FAM110B: variants seen among roughly 807,000 people sequenced by gnomAD.
FAM110B encodes the protein family with sequence similarity 110 member B.
In FAM110B, 6 loss-of-function variants were observed where a neutral mutation model predicts 20.4. That is an observed-to-expected ratio of 0.29 (90% CI 0.16 to 0.58). FAM110B has a LOEUF of 0.58. Among genes scored for constraint, FAM110B ranks in the 20% least tolerant of loss-of-function variants. The pLI, the probability that FAM110B is intolerant of heterozygous loss-of-function variation, is 0.90. For missense variants in FAM110B, 434 were observed against 498.2 expected (o/e 0.87, Z 1.23); for synonymous variants, 226 against 214.1 (o/e 1.06, Z -0.49).
At chr8:58,116,500 A>G (rs1807217036) in intron 3 of FAM110B, among the ~76,000 whole-genome samples, 1 of 152,214 alleles carries the variant, frequency 6.6e-6, no homozygotes, top group Non-Finnish European at 1.5e-5. Context: ...AACTTTGCTC[A>G]GATATCCCCT....
chr8:58,072,495 T>C (rs566149889), intron 2 of FAM110B, among the ~76,000 whole-genome samples: 1 of 152,282 alleles, frequency 6.6e-6, no homozygotes, highest in East Asian at 1.9e-4. Context: ...TATTTATGTT[T>C]TTGCAAAGTA....
intron 3 of FAM110B, among the ~76,000 whole-genome samples, chr8:58,083,429 C>T (rs1391316985): frequency 6.6e-6 from 1 of 152,158 alleles, no homozygotes; most frequent in African/African-American, 2.4e-5. Context: ...AATTTGGTCT[C>T]CTCAACTGCG....
In FAM110B at chr8:57,994,603, G is replaced by T. The variant is rs568628343; in HGVS notation, c.-715G>T. On this transcript the variant is annotated 5_prime_UTR_variant, in exon 1 of 4. Coordinates refer to ENST00000519262, the MANE Select transcript of FAM110B (RefSeq NM_001377989.1). ...GGCCGCCGCCAGCCGGGCCCTTCGC[G>T]GCCGCGCGTCCTGGGCCCGTTCCGC... 2 of 152,288 alleles carry T rather than the reference G, an allele frequency of 1.3e-5. No individual in the cohort carries two copies. The highest frequency in any genetic ancestry group is 4.8e-5 in the African/African-American group (2 of 41,420). The allele number at this position is 152,288 out of a possible 1,614,324, so 9.4% of individuals were successfully genotyped here.
intron 2 of FAM110B, among the ~76,000 whole-genome samples, chr8:58,037,688 T>G (rs1436918042): frequency 6.6e-6 from 1 of 152,144 alleles, no homozygotes; most frequent in East Asian, 1.9e-4. Flanking sequence ...GTCATGATGA[T>G]GAAATTCTTT....
rs1465828097 is a variant in FAM110B at position 58,098,071 on chromosome 8, G to A, written c.-325+22448G>A. On this transcript the variant is annotated intron_variant, in intron 3 of 3. Coordinates refer to ENST00000519262, the MANE Select transcript of FAM110B (RefSeq NM_001377989.1). ...TGTCCCTTAGCAGAGCTCAAGCTCTGTGCGGGGAGATCCACTGCTCTATTC... is the reference window on the plus strand; with the variant it reads ...TGTCCCTTAGCAGAGCTCAAGCTCTATGCGGGGAGATCCACTGCTCTATTC... Among the ~76,000 whole-genome samples the A allele has an allele frequency of 2.6e-5, 4 of 152,366 alleles. No homozygotes were observed. The East Asian group carries it at 7.7e-4, about 29-fold the overall frequency.
chr8:58,137,759 C>T (rs1251667512), intron 3 of FAM110B, among the ~76,000 whole-genome samples: 2 of 152,176 alleles, frequency 1.3e-5, no homozygotes, highest in African/African-American at 4.8e-5. Context: ...TGTTCTTTTT[C>T]CGTGCCCTAA....
At chr8:58,136,169 G>A (rs1458497637) in intron 3 of FAM110B, among the ~76,000 whole-genome samples, 3 of 152,014 alleles carry the variant, frequency 2.0e-5, no homozygotes, top group South Asian at 4.2e-4. Flanking sequence ...GTGCCACCAC[G>A]CCCAGCTAAT....
chr8:57,995,656 T>C (rs916329420), intron 1 of FAM110B, among the ~76,000 whole-genome samples: 1 of 152,166 alleles, frequency 6.6e-6, no homozygotes, highest in Non-Finnish European at 1.5e-5. Context: ...GGAAGGGAGA[T>C]AACTTTGCAG....
intron 3 of FAM110B, among the ~76,000 whole-genome samples, chr8:58,115,193 T>C (rs1249945258): frequency 6.6e-6 from 1 of 152,048 alleles, no homozygotes; most frequent in Non-Finnish European, 1.5e-5. Context: ...TGGCTCAATT[T>C]TCCTTTTCTT....
intron 3 of FAM110B, among the ~76,000 whole-genome samples, chr8:58,123,841 G>A (rs1042548439): frequency 5.9e-5 from 9 of 152,118 alleles, no homozygotes; most frequent in South Asian, 2.1e-4. Context: ...TTCCCGCTGC[G>A]CATACTTCCT....
In FAM110B at chr8:58,002,289, T is replaced by C. The variant is rs574339576; in HGVS notation, c.-512+7483T>C. Among the ~76,000 whole-genome samples the C allele has an allele frequency of 3.9e-5, 6 of 152,368 alleles. No individual in the cohort carries two copies. In the East Asian group the frequency reaches 1.2e-3, roughly 29 times the overall value. On this transcript the variant is annotated intron_variant, in intron 1 of 3. Coordinates refer to ENST00000519262, the MANE Select transcript of FAM110B (RefSeq NM_001377989.1). ...AAAATTAACAATCACATATCTGTAATACAATCAGAGTCAGGTTTTGTTAAA... is the reference window on the plus strand; with the variant it reads ...AAAATTAACAATCACATATCTGTAACACAATCAGAGTCAGGTTTTGTTAAA...
At chr8:58,033,670 A>G (rs2150573776) in intron 2 of FAM110B, among the ~76,000 whole-genome samples, 1 of 152,324 alleles carries the variant, frequency 6.6e-6, no homozygotes, top group African/African-American at 2.4e-5. Context: ...AAAATACTCA[A>G]TGTCACTAAT....
chr8:58,000,062 A>C (rs567387025), intron 1 of FAM110B, among the ~76,000 whole-genome samples: 2 of 152,356 alleles, frequency 1.3e-5, no homozygotes, highest in South Asian at 2.1e-4. Context: ...ATTCTTATTT[A>C]TAAAACGAGT....
At chr8:58,088,005 G>C (rs1452865195) in intron 3 of FAM110B, among the ~76,000 whole-genome samples, 1 of 152,132 alleles carries the variant, frequency 6.6e-6, no homozygotes, top group African/African-American at 2.4e-5. Flanking sequence ...TTCCCCAGAA[G>C]TAAAACTCTC....
chr8:58,042,668 G>A (rs1805244665), intron 2 of FAM110B, among the ~76,000 whole-genome samples: 1 of 152,202 alleles, frequency 6.6e-6, no homozygotes, highest in Admixed American at 6.5e-5. Flanking sequence ...GCTAGATGTA[G>A]GTGTGAGAGA....
intron 2 of FAM110B, among the ~76,000 whole-genome samples, chr8:58,042,479 T>C (rs541391325): frequency 6.6e-6 from 1 of 152,344 alleles, no homozygotes; most frequent in South Asian, 2.1e-4. Flanking sequence ...TTTACCTGGA[T>C]TTTTCTGTGA....
Position 58,044,854 on chromosome 8 carries a change from T to C in FAM110B, c.-414+13151T>C, listed in dbSNP as rs117797933. Among the ~76,000 whole-genome samples the C allele has an allele frequency of 1.6e-4, 24 of 152,286 alleles. No individual in the cohort carries two copies. In the East Asian group the frequency reaches 4.4e-3, roughly 28 times the overall value. ...TATGAGACAGGGGCAGAATACTTTA[T>C]GGATGAAGTGAAACAGAGCCCTCAA... On this transcript the variant is annotated intron_variant, in intron 2 of 3. Coordinates refer to ENST00000519262, the MANE Select transcript of FAM110B (RefSeq NM_001377989.1).
chr8:58,086,086 G>A (rs1806325377), intron 3 of FAM110B, among the ~76,000 whole-genome samples: 1 of 152,152 alleles, frequency 6.6e-6, no homozygotes, highest in African/African-American at 2.4e-5. Context: ...TGGCTAAAAT[G>A]AAATTAACGC....
At chr8:58,041,028 G>A (rs368042565) in intron 2 of FAM110B, among the ~76,000 whole-genome samples, 2 of 133,948 alleles carry the variant, frequency 1.5e-5, no homozygotes, top group African/African-American at 5.5e-5. Flanking sequence ...TGCAACCTCC[G>A]CCTCCAGGTT....
Sources: allele counts gnomAD v4.1 joint callset (sites outside exome capture counted in the v4.1 genomes callset), GRCh38; gene constraint gnomAD v4.1.1; transcripts MANE v1.5; gene names NCBI Gene and HGNC (gene_info 2026-07-23, HGNC 2026-07-21).